Variants in ZNF780B observed in about 807,000 individuals in gnomAD.
ZNF780B encodes the protein zinc finger protein 780B.
Under a neutral mutation model 74.1 loss-of-function variants are expected in ZNF780B, and 52 were observed. That is an observed-to-expected ratio of 0.70 (90% CI 0.56 to 0.88). The LOEUF is 0.88. Ranked by LOEUF, ZNF780B falls within the 40% of genes least tolerant of loss-of-function variation. The probability of loss-of-function intolerance (pLI) is 0.00; values close to 1 mark genes in which losing one functional copy is unlikely to be tolerated. For synonymous variants in ZNF780B, 315 were observed against 324.3 expected, an observed-to-expected ratio of 0.97 and a Z score of 0.31; for missense variants, 953 against 1,007.6, an observed-to-expected ratio of 0.95 and a Z score of 0.73.
chr19:40,037,423 T>C (rs1972392465), intron 4 of ZNF780B, among the ~76,000 whole-genome samples: 1 of 152,040 alleles, frequency 6.6e-6, no homozygotes, highest in Non-Finnish European at 1.5e-5. Flanking sequence ...GTCCAAAGTC[T>C]GGCTAATTTT....
intron 1 of ZNF780B, among the ~76,000 whole-genome samples, chr19:40,052,926 C>G (rs749167750): frequency 2.6e-5 from 4 of 151,996 alleles, no homozygotes; most frequent in Non-Finnish European, 5.9e-5. Context: ...AACCATTATA[C>G]AAAAATCAAC....
chr19:40,046,430 C>G (rs1302168701), intron 4 of ZNF780B, among the ~76,000 whole-genome samples: 2 of 152,162 alleles, frequency 1.3e-5, no homozygotes, highest in Non-Finnish European at 2.9e-5. Flanking sequence ...TGAAGAACTT[C>G]CCACATTCCT....
intron 1 of ZNF780B, among the ~76,000 whole-genome samples, chr19:40,052,118 A>G (rs530586435): frequency 4.6e-5 from 7 of 152,318 alleles, no homozygotes; most frequent in Non-Finnish European, 1.0e-4. Context: ...GATTTATATA[A>G]GATCATTTAC....
In ZNF780B at chr19:40,038,131, T is replaced by C. The variant is rs924077874; in HGVS notation, c.233-1505A>G. Reference sequence around the variant, plus strand: ...TTCCTGTGTCCATATGTTCTCATTGTTCAATTCCCACCTATGAGTCAGAAC... The same window carrying C: ...TTCCTGTGTCCATATGTTCTCATTGCTCAATTCCCACCTATGAGTCAGAAC... On this transcript the variant is annotated intron_variant, in intron 4 of 4. Transcript: ENST00000434248. 9.9e-5 allele frequency among the ~76,000 whole-genome samples: 15 copies of C among 152,242 alleles called. 1 individual carries two copies. Among genetic ancestry groups the C allele is most frequent in the East Asian group, 1.9e-4 (1 of 5,180 alleles).
At chr19:40,039,572 T>A (rs1285499424) in intron 4 of ZNF780B, among the ~76,000 whole-genome samples, 2 of 151,520 alleles carry the variant, frequency 1.3e-5, no homozygotes, top group Non-Finnish European at 3.0e-5. Flanking sequence ...TTTGTTTGTA[T>A]CCTCTTTTAT....
chr19:40,035,467 G>C lies in ZNF780B; in HGVS notation c.1392C>G (p.Cys464Trp). 6.2e-7 allele frequency: 1 copy of C among 1,614,046 alleles called. No individual in the cohort carries two copies. Among genetic ancestry groups the C allele is most frequent in the Non-Finnish European group, 8.5e-7 (1 of 1,179,998 alleles). ...AGGGTTTCCCACCAGTATGAATTTGGCAATGTTGAATAAGTTGGTAATGAT... is the reference window on the plus strand; with the variant it reads ...AGGGTTTCCCACCAGTATGAATTTGCCAATGTTGAATAAGTTGGTAATGAT... ...FRYHYQLIQH[C>W]QIHTGGKPFE... Residue 464 changes from cysteine (C) to tryptophan (W), a missense_variant, in exon 5 of 5, where the codon TGC (cysteine) becomes TGG (tryptophan). Transcript: ENST00000434248.
chr19:40,047,555 A>G (rs1972989410), intron 3 of ZNF780B, 85 bp from the exon 4 acceptor site: 1 of 851,428 alleles, frequency 1.2e-6, no homozygotes, highest in Non-Finnish European at 1.8e-6. Flanking sequence ...CTTATAATAA[A>G]TTACAAGCCA....
rs1972300190 is a variant in ZNF780B, at chr19:40,036,192, A to G, written c.667T>C (p.Cys223Arg). 6.2e-7 allele frequency: 1 copy of G among 1,613,430 alleles called. No individual in the cohort carries two copies. The highest frequency in any genetic ancestry group is 8.5e-7 in the Non-Finnish European group (1 of 1,179,806). The change falls in exon 5 of 5, where the codon TGT becomes CGT. Residue 223 changes from cysteine to arginine, a missense_variant. Physicochemically the swap from Cys to Arg is radical, Grantham distance 180. Coordinates refer to ENST00000434248, the MANE Select transcript of ZNF780B (RefSeq NM_001005851.3). ...KFHTGEKTFE[C>R]KECGKAFNLP... Reference sequence around the variant, plus strand: ...TTAAAGGCTTTTCCACATTCCTTACATTCAAAAGTTTTCTCACCAGTATGA... The same window carrying G: ...TTAAAGGCTTTTCCACATTCCTTACGTTCAAAAGTTTTCTCACCAGTATGA...
In ZNF780B at chr19:40,035,390, C is replaced by G. The variant is rs372642244; in HGVS notation, c.1469G>C (p.Arg490Pro). The change falls in exon 5 of 5, where the codon CGA becomes CCA. Residue 490 changes from arginine to proline, a missense_variant. Coordinates refer to ENST00000434248, the MANE Select transcript of ZNF780B (RefSeq NM_001005851.3). ...CTCACCAGTATGAATGTTCTTATGTCGAGCAAGCTGTGTCAGAAGACTAAA... is the reference window on the plus strand; with the variant it reads ...CTCACCAGTATGAATGTTCTTATGTGGAGCAAGCTGTGTCAGAAGACTAAA... ...KAFSLLTQLA[R>P]HKNIHTGEKP... is the part of the protein sequence containing the mutation. 6.2e-7 allele frequency: 1 copy of G among 1,613,942 alleles called. No homozygotes were observed. The highest frequency in any genetic ancestry group is 8.5e-7 in the Non-Finnish European group (1 of 1,179,952).
intron 3 of ZNF780B, among the ~76,000 whole-genome samples, chr19:40,047,682 G>A (rs1233516032): frequency 1.3e-5 from 2 of 151,384 alleles, no homozygotes; most frequent in East Asian, 1.9e-4. Context: ...CCCTCAAGAG[G>A]AGGTATAATT....
intron 4 of ZNF780B, among the ~76,000 whole-genome samples, chr19:40,044,515 T>G (rs1972840430): frequency 6.6e-6 from 1 of 152,112 alleles, no homozygotes; most frequent in African/African-American, 2.4e-5. Context: ...AAGGACACTA[T>G]CCTCAGCAAA....
intron 4 of ZNF780B, chr19:40,047,143 G>C (rs1972966265): frequency 2.3e-6 from 1 of 439,500 alleles, no homozygotes; most frequent in South Asian, 2.6e-5. Context: ...TTCATTAAAA[G>C]AGGAAGAAAA....
chr19:40,034,688 G>T lies in ZNF780B; in HGVS notation c.2171C>A (p.Pro724His). The T allele has an allele frequency of 6.2e-7, 1 of 1,614,050 alleles. No homozygotes were observed. The highest frequency in any genetic ancestry group is 8.5e-7 in the Non-Finnish European group (1 of 1,179,996). Residue 724 changes from proline to histidine, a missense_variant, in exon 5 of 5, where the codon CCC becomes CAC. Physicochemically the swap from Pro to His is moderately conservative, Grantham distance 77. Transcript: ENST00000434248. ...CTTTCCGCATTCTTTACATTCAAAG[G>T]GTTTCTCACCAGTATGAATTCGGTA... ...EHYRIHTGEKPFECKECGKAF... is the reference protein window; with the variant it reads ...EHYRIHTGEKHFECKECGKAF...
chr19:40,041,270 A>T (rs2144759647), intron 4 of ZNF780B, among the ~76,000 whole-genome samples: 1 of 152,244 alleles, frequency 6.6e-6, no homozygotes, highest in South Asian at 2.1e-4. Flanking sequence ...GGTCTGAGAG[A>T]CAGTTTGTTA....
At chr19:40,039,819 A>G (rs908807186) in intron 4 of ZNF780B, among the ~76,000 whole-genome samples, 1 of 151,878 alleles carries the variant, frequency 6.6e-6, no homozygotes, top group African/African-American at 2.4e-5. Flanking sequence ...GGCTGAGACA[A>G]TGGGGTTTTC....
chr19:40,034,945 C>T lies in ZNF780B; in HGVS notation c.1914G>A (p.Glu638=), dbSNP rs1279769709. The T allele has an allele frequency of 6.2e-7, 1 of 1,614,072 alleles. No homozygotes were observed. Among genetic ancestry groups the T allele is most frequent in the East Asian group, 2.2e-5 (1 of 44,876 alleles). Residue 638 remains glutamate (E), a synonymous_variant, in exon 5 of 5, where the codon GAG becomes GAA. Coordinates refer to ENST00000434248, the MANE Select transcript of ZNF780B (RefSeq NM_001005851.3). ...CACATTCTTTACATTTAAATGGCTT[C>T]TCACCTGTGTGAATGTTCTTATGGT... The part of the protein sequence containing the change: ...LNHHKNIHTG[E]KPFKCKECGK...
At chr19:40,050,280 C>T (rs182108761) in intron 2 of ZNF780B, 44 bp downstream of exon 2, 3 of 1,583,924 alleles carry the variant, frequency 1.9e-6, no homozygotes, top group Non-Finnish European at 2.6e-6. Context: ...CCTAACCTAA[C>T]CTGAAAGTCA....
intron 4 of ZNF780B, among the ~76,000 whole-genome samples, chr19:40,045,335 GAT>G (rs1223107739): frequency 6.6e-6 from 1 of 152,058 alleles, no homozygotes; most frequent in East Asian, 1.9e-4. Flanking sequence ...TACCTGAGAG[GAT>G]GAGGGAAAAA....
rs749822823 is a variant in ZNF780B, at chr19:40,034,707, T to C, written c.2152A>G (p.Ile718Val). 3.1e-6 allele frequency: 5 copies of C among 1,613,648 alleles called. No homozygotes were observed. The highest frequency in any genetic ancestry group is 3.3e-4 in the Middle Eastern group (2 of 6,082). Residue 718 changes from isoleucine (I) to valine (V), a missense_variant, in exon 5 of 5, where the codon ATT becomes GTT. Ile to Val is a conservative substitution (Grantham distance 29). Transcript: ENST00000434248. ...TCAAAGGGTTTCTCACCAGTATGAA[T>C]TCGGTAATGTTCAGTAAGCTGGTAA... ...YHYQLTEHYR[I>V]HTGEKPFECK...
Sources: allele counts gnomAD v4.1 joint callset (sites outside exome capture counted in the v4.1 genomes callset), GRCh38; gene constraint gnomAD v4.1.1; transcripts MANE v1.5; gene names NCBI Gene and HGNC (gene_info 2026-07-23, HGNC 2026-07-21).